BCL2L13: variants seen among roughly 807,000 people sequenced by gnomAD.
The protein encoded by BCL2L13 is bcl-2-like protein 13.
BCL2L13 carries 13 observed loss-of-function variants against 25.8 expected under a neutral mutation model. That is an observed-to-expected ratio of 0.50 (90% CI 0.33 to 0.80). The LOEUF (loss-of-function observed/expected upper bound fraction) is 0.80. Among genes scored for constraint, BCL2L13 ranks in the 30% least tolerant of loss-of-function variants. BCL2L13 has a pLI of 0.02. For synonymous variants in BCL2L13, 244 were observed against 230.3 expected, an observed-to-expected ratio of 1.06 and a Z score of -0.54; for missense variants, 504 against 574.9, an observed-to-expected ratio of 0.88 and a Z score of 1.26.
chr22:17,715,421 A>G (rs573103754), intron 6 of BCL2L13, among the ~76,000 whole-genome samples: 81 of 150,914 alleles, frequency 5.4e-4, no homozygotes, highest in African/African-American at 1.4e-3. Context: ...GGCTCAAACA[A>G]TCCACCCACC....
chr22:17,642,233 C>G (rs1330287777), intron 1 of BCL2L13, among the ~76,000 whole-genome samples: 4 of 148,448 alleles, frequency 2.7e-5, no homozygotes, highest in African/African-American at 5.0e-5. Context: ...GAACCTAACT[C>G]AGTCCCAAAG....
chr22:17,702,469 GTT>G, intron 6 of BCL2L13, 83 bp downstream of exon 6: 1 of 1,329,754 alleles, frequency 7.5e-7, no homozygotes, highest in South Asian at 1.7e-5. Context: ...TTCTTGCTGT[GTT>G]ACCCGGGCTG....
At chr22:17,695,630 T>C (rs575334597) in intron 4 of BCL2L13, 2 of 152,330 alleles carry the variant, frequency 1.3e-5, no homozygotes, top group Admixed American at 1.3e-4. Flanking sequence ...AAAAAAAATT[T>C]TTTTAATTAA....
chr22:17,652,395 C>A (rs958098145), intron 1 of BCL2L13, among the ~76,000 whole-genome samples: 1 of 152,130 alleles, frequency 6.6e-6, no homozygotes, highest in Non-Finnish European at 1.5e-5. Flanking sequence ...TGTGTAAAAT[C>A]ATGAAATATA....
intron 6 of BCL2L13, among the ~76,000 whole-genome samples, chr22:17,715,428 C>T (rs1341795405): frequency 6.6e-6 from 1 of 151,034 alleles, no homozygotes; most frequent in African/African-American, 2.4e-5. Context: ...ACAATCCACC[C>T]ACCTCGGCCT....
rs956711797 is a variant in BCL2L13 at position 17,659,577 on chromosome 22, C to T, written c.121+3745C>T. On this transcript the variant is annotated intron_variant, in intron 2 of 6. Coordinates refer to ENST00000317582, the MANE Select transcript of BCL2L13 (RefSeq NM_015367.4). The stretch of plus-strand genomic sequence containing the variant: ...TTAGGAGGCTGAGGCAGGGGAATGG[C>T]GTGAACTCAGGAGGTGGAGCTTGCA... 3.4e-5 allele frequency among the ~76,000 whole-genome samples: 5 copies of T among 145,210 alleles called. 1 individual carries two copies. Among genetic ancestry groups the T allele is most frequent in the African/African-American group, 9.8e-5 (4 of 40,966 alleles).
intron 6 of BCL2L13, among the ~76,000 whole-genome samples, chr22:17,709,126 C>T (rs923606322): frequency 6.6e-6 from 1 of 151,984 alleles, no homozygotes; most frequent in African/African-American, 2.4e-5. Context: ...GTCCCAGCTA[C>T]TCGGGAGGCT....
chr22:17,663,356 G>T (rs2059131783), intron 2 of BCL2L13, among the ~76,000 whole-genome samples: 1 of 152,098 alleles, frequency 6.6e-6, no homozygotes, highest in Non-Finnish European at 1.5e-5. Flanking sequence ...TAGTTGGTGT[G>T]TCCTACTTTT....
rs199996614 is a variant in BCL2L13 at position 17,727,444 on chromosome 22, G to C, written c.1368G>C (p.Glu456Asp). 6.2e-7 allele frequency: 1 copy of C among 1,614,270 alleles called. No individual in the cohort carries two copies. The highest frequency in any genetic ancestry group is 8.5e-7 in the Non-Finnish European group (1 of 1,180,056). The change falls in exon 7 of 7, where the codon GAG becomes GAC. Residue 456 changes from glutamate to aspartate, a missense_variant. Physicochemically the swap from Glu to Asp is conservative, Grantham distance 45 (BLOSUM62 2). Coordinates refer to ENST00000317582, the MANE Select transcript of BCL2L13 (RefSeq NM_015367.4). ...AGEMKPMPLS[E>D]GKSILLFGGA... ...AGATGAAGCCCATGCCGCTGTCTGAGGGCAAGTCTATACTGCTGTTTGGAG... is the reference window on the plus strand; with the variant it reads ...AGATGAAGCCCATGCCGCTGTCTGACGGCAAGTCTATACTGCTGTTTGGAG...
chr22:17,661,298 G>A (rs2059058229), intron 2 of BCL2L13, among the ~76,000 whole-genome samples: 1 of 144,832 alleles, frequency 6.9e-6, no homozygotes, highest in Admixed American at 6.9e-5. Context: ...TCACTGTCTT[G>A]GCCAGGCTGG....
At chr22:17,659,735 C>G (rs1490112401) in intron 2 of BCL2L13, among the ~76,000 whole-genome samples, 1 of 144,962 alleles carries the variant, frequency 6.9e-6, no homozygotes, top group Non-Finnish European at 1.6e-5. Flanking sequence ...AGTGGATTTC[C>G]AGTCTAGTTC....
intron 6 of BCL2L13, among the ~76,000 whole-genome samples, chr22:17,714,569 T>G (rs1413494732): frequency 6.6e-6 from 1 of 152,166 alleles, no homozygotes; most frequent in African/African-American, 2.4e-5. Flanking sequence ...CAGCAAGGAT[T>G]CGTTAGATCA....
chr22:17,680,834 G>A (rs1045207697), intron 2 of BCL2L13, among the ~76,000 whole-genome samples: 3 of 152,184 alleles, frequency 2.0e-5, no homozygotes, highest in African/African-American at 7.2e-5. Context: ...GCTCGTGTGA[G>A]TGGTAGAGCT....
intron 4 of BCL2L13, among the ~76,000 whole-genome samples, chr22:17,694,833 G>T (rs2060215995): frequency 6.6e-6 from 1 of 152,216 alleles, no homozygotes; most frequent in Non-Finnish European, 1.5e-5. Flanking sequence ...GGGAAAATGT[G>T]TGTCCCTGAA....
chr22:17,693,208 T>C (rs2060154309), intron 4 of BCL2L13, among the ~76,000 whole-genome samples: 1 of 151,426 alleles, frequency 6.6e-6, no homozygotes, highest in Non-Finnish European at 1.5e-5. Context: ...AATATAAATA[T>C]ATGAAATATT....
chr22:17,649,782 C>A (rs544873254), intron 1 of BCL2L13, among the ~76,000 whole-genome samples: 1 of 151,924 alleles, frequency 6.6e-6, no homozygotes, highest in South Asian at 2.1e-4. Flanking sequence ...GGATTACAGG[C>A]GTGAGCCACT....
At chr22:17,684,400 G>A (rs943033334) in intron 3 of BCL2L13, among the ~76,000 whole-genome samples, 1 of 152,024 alleles carries the variant, frequency 6.6e-6, no homozygotes. Context: ...GAACACTTTC[G>A]GTTCTCCTTA....
rs2061341645 is a variant in BCL2L13, at chr22:17,728,066, AATC to A, written c.*533_*535del. 1 of 159,590 alleles carries A rather than the reference AATC, an allele frequency of 6.3e-6. No individual in the cohort carries two copies. The highest frequency in any genetic ancestry group is 1.4e-5 in the Non-Finnish European group (1 of 71,852). 9.9% of individuals were successfully genotyped at this position (159,590 alleles called of 1,614,324 possible). ...CTCAGCTACTGACTTCTTAGCTCTT[AATC>A]CCCTTAGAATTTCATCTTTCTCGAT... On this transcript the variant is annotated 3_prime_UTR_variant, in exon 7 of 7. Coordinates refer to ENST00000317582, the MANE Select transcript of BCL2L13 (RefSeq NM_015367.4).
chr22:17,698,340 C>T (rs575942109), intron 5 of BCL2L13, among the ~76,000 whole-genome samples: 11 of 150,950 alleles, frequency 7.3e-5, no homozygotes, highest in African/African-American at 2.4e-4. Flanking sequence ...GTCTCAAACT[C>T]CTGACCTCAG....
Sources: gnomAD v4.1 joint callset for allele counts (sites outside exome capture counted in the v4.1 genomes callset) on GRCh38, gnomAD v4.1.1 for gene constraint, MANE v1.5 for transcripts, NCBI Gene and HGNC (gene_info 2026-07-23, HGNC 2026-07-21) for gene names.